The following THOC2 variants were observed in gnomAD, a reference collection of about 807,000 sequenced individuals.
THOC2 encodes the protein THO complex 2.
A neutral mutation model predicts 128.4 loss-of-function variants in THOC2; 10 were observed. That is an observed-to-expected ratio of 0.08 (90% CI 0.05 to 0.13). The LOEUF (loss-of-function observed/expected upper bound fraction) is 0.13. Among genes scored for constraint, THOC2 ranks in the 10% least tolerant of loss-of-function variants. THOC2 has a pLI of 1.00. For synonymous variants in THOC2, 393 were observed against 396.9 expected (o/e 0.99, Z 0.12); for missense variants, 535 against 1,155.7 (o/e 0.46, Z 7.79).
rs140529125 is a variant in THOC2 at position 123,615,084 on chromosome X, G to A, written c.4312-895C>T. The stretch of plus-strand genomic sequence containing the variant: ...GAAATAATCAGATACCTAACCTTAC[G>A]GCATTTATATCTGTGCTACAAGCCT... On this transcript the variant is annotated intron_variant, in intron 33 of 38. Coordinates refer to ENST00000245838, the MANE Select transcript of THOC2 (RefSeq NM_001081550.2). 4.3e-3 allele frequency among the ~76,000 whole-genome samples: 480 copies of A among 111,105 alleles called. 2 individuals carry two copies. The highest frequency in any genetic ancestry group is 0.015 in the African/African-American group (451 of 30,756).
chrX:123,723,196 AAAG>A (rs745351262), intron 1 of THOC2, among the ~76,000 whole-genome samples: 1 of 111,709 alleles, frequency 9.0e-6, no homozygotes, highest in African/African-American at 3.3e-5. Context: ...AAACAAAAAA[AAAG>A]AAGTACTCCA....
chrX:123,672,903 G>T (rs1482854129), intron 8 of THOC2, among the ~76,000 whole-genome samples: 1 of 112,406 alleles, frequency 8.9e-6, no homozygotes, highest in Non-Finnish European at 1.9e-5. Flanking sequence ...TGTATGTGAG[G>T]TTCCTCCCAC....
At chrX:123,612,214 C>T (rs1359562005) in intron 36 of THOC2, among the ~76,000 whole-genome samples, 4 of 111,708 alleles carry the variant, frequency 3.6e-5, no homozygotes, top group African/African-American at 1.3e-4. Context: ...TGAACAAATA[C>T]TTATAGCCCC....
At chrX:123,610,699 T>TA (rs887404364) in intron 38 of THOC2, among the ~76,000 whole-genome samples, 47 of 108,573 alleles carry the variant, frequency 4.3e-4, no homozygotes, top group Non-Finnish European at 7.3e-4. Flanking sequence ...TCTTGGTGCT[T>TA]AAAAAAAAAA....
Position 123,622,742 on chromosome X carries a change from G to A in THOC2, c.3785+16C>T, listed in dbSNP as rs760431693. 3 of 1,011,944 alleles carry A rather than the reference G, an allele frequency of 3.0e-6. No homozygotes were observed. The East Asian group carries it at 9.2e-5, about 31-fold the overall frequency. The allele number at this position is 1,011,944 out of a possible 1,213,427, so 83.4% of individuals were successfully genotyped here. On this transcript the variant is annotated intron_variant, in intron 30 of 38. Coordinates refer to ENST00000245838, the MANE Select transcript of THOC2 (RefSeq NM_001081550.2). ...AAAAGAATTTAGAATTATGACACATGGCACAGTGTTCCTACCTGTTAGAGC... is the reference window on the plus strand; with the variant it reads ...AAAAGAATTTAGAATTATGACACATAGCACAGTGTTCCTACCTGTTAGAGC...
intron 12 of THOC2, among the ~76,000 whole-genome samples, chrX:123,652,120 G>T (rs776210439): frequency 9.0e-6 from 1 of 111,687 alleles, no homozygotes; most frequent in South Asian, 3.8e-4. Flanking sequence ...TGCAAGGCTG[G>T]TTCAACATAG....
rs768889900 is a variant in THOC2 at position 123,627,708 on chromosome X, A to G, written c.2742T>C (p.Asp914=). 1.9e-5 allele frequency: 23 copies of G among 1,209,913 alleles called. No individual in the cohort carries two copies. The highest frequency in any genetic ancestry group is 2.5e-5 in the Non-Finnish European group (22 of 895,095). Residue 914 remains aspartate (D), a synonymous_variant, in exon 23 of 39, where the codon GAT becomes GAC. Transcript: ENST00000245838. ...AAAAACCTACCATTTCCTGATTGTC[A>G]TCAATTGCTTTCATCTGGACTTTAA... is the stretch of plus-strand genomic sequence containing the variant. The part of the protein sequence containing the change: ...NKLKVQMKAI[D]DNQEMPPNKK...
chrX:123,654,429 T>TAC (rs898616249), intron 12 of THOC2, among the ~76,000 whole-genome samples: 1 of 107,679 alleles, frequency 9.3e-6, no homozygotes, highest in African/African-American at 3.4e-5. Flanking sequence ...TATATATATA[T>TAC]ACACACACAC....
chrX:123,657,480 A>G (rs1340812894), intron 12 of THOC2, among the ~76,000 whole-genome samples: 2 of 110,848 alleles, frequency 1.8e-5, no homozygotes, highest in Non-Finnish European at 3.8e-5. Context: ...ACTTGGGCAT[A>G]TCATGTTATA....
At chrX:123,623,501 C>CTT (rs61439088) in intron 28 of THOC2, 547 of 471,947 alleles carry the variant, frequency 1.2e-3, no homozygotes, top group East Asian at 3.5e-3. Context: ...ACTAAGATGG[C>CTT]TTTTTTTTTT....
chrX:123,633,080 A>G (rs765817663), intron 20 of THOC2, 40 bp from the exon 21 acceptor site: 3 of 999,204 alleles, frequency 3.0e-6, no homozygotes, highest in Non-Finnish European at 2.7e-6. Context: ...TGTACAGTAC[A>G]TAACCCATGC....
intron 10 of THOC2, among the ~76,000 whole-genome samples, chrX:123,667,957 A>G (rs1192199941): frequency 9.0e-6 from 1 of 111,390 alleles, no homozygotes; most frequent in Non-Finnish European, 1.9e-5. Context: ...AAATTTATAC[A>G]AGAAAAAAAA....
intron 1 of THOC2, among the ~76,000 whole-genome samples, chrX:123,714,790 T>C (rs1184320671): frequency 2.7e-5 from 3 of 111,337 alleles, no homozygotes; most frequent in African/African-American, 9.8e-5. Flanking sequence ...ACCAAGTATC[T>C]TTTCCAAACA....
At chrX:123,616,974 AG>A (rs1472870985) in intron 33 of THOC2, among the ~76,000 whole-genome samples, 1 of 111,099 alleles carries the variant, frequency 9.0e-6, no homozygotes, top group Non-Finnish European at 1.9e-5. Flanking sequence ...AGAATTTTAT[AG>A]GTACAAGTGA....
At chrX:123,622,950 G>T in intron 29 of THOC2, 90 bp from the exon 30 acceptor site, 1 of 878,456 alleles carries the variant, frequency 1.1e-6, no homozygotes, top group Non-Finnish European at 1.6e-6. Context: ...TAATTAGAAA[G>T]AAACAGCAAG....
intron 33 of THOC2, among the ~76,000 whole-genome samples, chrX:123,615,665 A>C (rs769981843): frequency 9.2e-6 from 1 of 108,210 alleles, no homozygotes; most frequent in Non-Finnish European, 1.9e-5. Flanking sequence ...ATACACACAC[A>C]CACACACACA....
At chrX:123,732,871 C>G in intron 1 of THOC2, 81 bp downstream of exon 1, 1 of 1,036,888 alleles carries the variant, frequency 9.6e-7, no homozygotes, top group South Asian at 1.9e-5. Context: ...CTTTCCCCCT[C>G]AACCTCCCAC....
chrX:123,665,633 C>A lies in THOC2; in HGVS notation c.1386+9G>T. On this transcript the variant is annotated intron_variant, in intron 12 of 38. Coordinates refer to ENST00000245838, the MANE Select transcript of THOC2 (RefSeq NM_001081550.2). ...CAAAATTTAGGTTTGTAAGAAAAAT[C>A]TTACTTACCTCCTTCATAAATGACT... The A allele has an allele frequency of 9.1e-7, 1 of 1,103,194 alleles. No homozygotes were observed. 90.9% of individuals were successfully genotyped at this position (1,103,194 alleles called of 1,213,427 possible). A position where few individuals can be genotyped will look rare whatever the true frequency, so the allele number is the denominator to read the frequency against.
At chrX:123,618,121 C>T (rs886948264) in intron 33 of THOC2, among the ~76,000 whole-genome samples, 1 of 111,304 alleles carries the variant, frequency 9.0e-6, no homozygotes, top group Non-Finnish European at 1.9e-5. Flanking sequence ...AGTATTGTGA[C>T]GTTATGGCTA....
Sources: allele counts gnomAD v4.1 joint callset (sites outside exome capture counted in the v4.1 genomes callset), GRCh38; gene constraint gnomAD v4.1.1; transcripts MANE v1.5; gene names NCBI Gene and HGNC (gene_info 2026-07-23, HGNC 2026-07-21).